The following GRIN2B variants were observed in gnomAD, a reference collection of about 807,000 sequenced individuals.
The protein encoded by GRIN2B is glutamate receptor ionotropic, NMDA 2B.
Under a neutral mutation model 114.5 loss-of-function variants are expected in GRIN2B, and 5 were observed. That is an observed-to-expected ratio of 0.04 (90% CI 0.02 to 0.09). The LOEUF is 0.09. GRIN2B is among the 10% of genes least tolerant of loss of function. The probability of loss-of-function intolerance (pLI) is 1.00; values close to 1 mark genes in which losing one functional copy is unlikely to be tolerated. For missense variants in GRIN2B, 1,108 were observed against 1,943.5 expected (o/e 0.57, Z 8.08); for synonymous variants, 787 against 745.1 (o/e 1.06, Z -0.92).
intron 3 of GRIN2B, among the ~76,000 whole-genome samples, chr12:13,861,358 T>C (rs1348749697): frequency 6.6e-6 from 1 of 152,138 alleles, no homozygotes; most frequent in Non-Finnish European, 1.5e-5. Context: ...CCAGGGAAGA[T>C]TTCAGACAAT....
At chr12:13,828,082 CTGTG>C (rs1363133721) in intron 3 of GRIN2B, among the ~76,000 whole-genome samples, 1 of 152,192 alleles carries the variant, frequency 6.6e-6, no homozygotes, top group African/African-American at 2.4e-5. Flanking sequence ...ATATTTCCTA[CTGTG>C]TATGTGTGTA....
chr12:13,692,929 C>T (rs964957632), intron 4 of GRIN2B, among the ~76,000 whole-genome samples: 4 of 151,362 alleles, frequency 2.6e-5, no homozygotes, highest in East Asian at 1.9e-4. Flanking sequence ...CCACCACACC[C>T]GGCTAATTTT....
At chr12:13,811,105 A>G (rs1864720268) in intron 3 of GRIN2B, among the ~76,000 whole-genome samples, 1 of 152,232 alleles carries the variant, frequency 6.6e-6, no homozygotes, top group Admixed American at 6.5e-5. Flanking sequence ...ACAGAGGCCT[A>G]ACTTCAGTGA....
chr12:13,830,119 G>A (rs181245074), intron 3 of GRIN2B, among the ~76,000 whole-genome samples: 1 of 152,304 alleles, frequency 6.6e-6, no homozygotes, highest in East Asian at 1.9e-4. Flanking sequence ...GGAGATATTT[G>A]ACAAAAGCAG....
chr12:13,897,663 G>T (rs919384042), intron 2 of GRIN2B, among the ~76,000 whole-genome samples: 2 of 152,074 alleles, frequency 1.3e-5, no homozygotes, highest in African/African-American at 2.4e-5. Context: ...TAGAAAATAA[G>T]AATGTTGTAT....
At chr12:13,744,820 C>T (rs1430428261) in intron 4 of GRIN2B, among the ~76,000 whole-genome samples, 3 of 152,154 alleles carry the variant, frequency 2.0e-5, no homozygotes. Flanking sequence ...CCATGTCCTC[C>T]CGGAAGAGGA....
intron 3 of GRIN2B, among the ~76,000 whole-genome samples, chr12:13,864,460 A>G (rs552891882): frequency 2.6e-5 from 4 of 152,248 alleles, no homozygotes; most frequent in Non-Finnish European, 5.9e-5. Context: ...GTGGTGATAA[A>G]AAGTATGACA....
chr12:13,675,671 C>T, intron 5 of GRIN2B, 74 bp downstream of exon 5: 1 of 849,612 alleles, frequency 1.2e-6, no homozygotes, highest in Admixed American at 1.7e-5. Context: ...CAAAGGACTA[C>T]TTTCCTTCAT....
At chr12:13,940,904 G>T (rs907786344) in intron 2 of GRIN2B, among the ~76,000 whole-genome samples, 2 of 150,570 alleles carry the variant, frequency 1.3e-5, no homozygotes, top group African/African-American at 4.9e-5. Flanking sequence ...CATGATGATT[G>T]AAACTAGGGG....
chr12:13,796,583 A>G (rs991661975), intron 3 of GRIN2B, among the ~76,000 whole-genome samples: 1 of 152,226 alleles, frequency 6.6e-6, no homozygotes, highest in African/African-American at 2.4e-5. Flanking sequence ...ATATTAAACC[A>G]TCTTATAAAG....
chr12:13,819,217 C>T (rs1320472129), intron 3 of GRIN2B, among the ~76,000 whole-genome samples: 1 of 152,180 alleles, frequency 6.6e-6, no homozygotes, highest in African/African-American at 2.4e-5. Context: ...TGGCCATCTA[C>T]AAGCCAAGGA....
intron 5 of GRIN2B, among the ~76,000 whole-genome samples, chr12:13,671,561 T>C (rs1029938479): frequency 6.6e-6 from 1 of 152,144 alleles, no homozygotes; most frequent in African/African-American, 2.4e-5. Context: ...GTCACACATG[T>C]ATGACTCCAC....
At chr12:13,719,910 C>A (rs1950491815) in intron 4 of GRIN2B, among the ~76,000 whole-genome samples, 1 of 152,056 alleles carries the variant, frequency 6.6e-6, no homozygotes, top group African/African-American at 2.4e-5. Flanking sequence ...CACAACAGTA[C>A]TGCATGATTG....
intron 5 of GRIN2B, among the ~76,000 whole-genome samples, chr12:13,671,506 C>G (rs1403826226): frequency 6.6e-6 from 1 of 152,102 alleles, no homozygotes; most frequent in East Asian, 1.9e-4. Context: ...TGGTTCACAC[C>G]AACAACTTAA....
intron 4 of GRIN2B, among the ~76,000 whole-genome samples, chr12:13,746,650 C>G (rs1047524126): frequency 2.6e-5 from 4 of 152,086 alleles, no homozygotes; most frequent in African/African-American, 9.7e-5. Flanking sequence ...GATGTTTGTC[C>G]CCCCCAAATC....
At chr12:13,860,695 T>A (rs895580204) in intron 3 of GRIN2B, among the ~76,000 whole-genome samples, 3 of 152,180 alleles carry the variant, frequency 2.0e-5, no homozygotes, top group Non-Finnish European at 2.9e-5. Flanking sequence ...TTGCATGTCA[T>A]CTAAGGAAGA....
intron 3 of GRIN2B, among the ~76,000 whole-genome samples, chr12:13,843,254 C>A (rs1865416450): frequency 6.6e-6 from 1 of 151,660 alleles, no homozygotes; most frequent in Admixed American, 6.6e-5. Context: ...CTCGCACAGA[C>A]ACACACACAA....
chr12:13,834,158 G>C lies in GRIN2B; in HGVS notation c.411+31640C>G, dbSNP rs537420510. 6.8e-5 allele frequency among the ~76,000 whole-genome samples: 10 copies of C among 147,432 alleles called. No homozygotes were observed. In the East Asian group the frequency reaches 2.1e-3, roughly 31 times the overall value. On this transcript the variant is annotated intron_variant, in intron 3 of 13. Transcript: ENST00000609686. ...CCATTCTCCTGCCTCAGCCTCCTGA[G>C]TAGCTGGGACTACAGGTGCCCACCA...
At chr12:13,792,460 C>T (rs940494299) in intron 3 of GRIN2B, among the ~76,000 whole-genome samples, 1 of 152,212 alleles carries the variant, frequency 6.6e-6, no homozygotes, top group Non-Finnish European at 1.5e-5. Context: ...TAAGTAAAAA[C>T]CAAAGGAGCT....
Sources: allele counts gnomAD v4.1 joint callset (sites outside exome capture counted in the v4.1 genomes callset), GRCh38; gene constraint gnomAD v4.1.1; transcripts MANE v1.5; gene names NCBI Gene and HGNC (gene_info 2026-07-23, HGNC 2026-07-21).